The following TDRD12 variants were observed in gnomAD, a reference collection of about 807,000 sequenced individuals.
The protein encoded by TDRD12 is putative ATP-dependent RNA helicase TDRD12.
In TDRD12, 158 loss-of-function variants were observed where a neutral mutation model predicts 133.5. The ratio of observed to expected loss-of-function variants is 1.18; its 90% CI spans 1.04 to 1.35. TDRD12 has a LOEUF of 1.35. Ranked by LOEUF, TDRD12 falls within the 40% of genes most tolerant of loss-of-function variation. The probability of loss-of-function intolerance (pLI) is 0.00; values close to 1 mark genes in which losing one functional copy is unlikely to be tolerated. For synonymous variants in TDRD12, 460 were observed against 477.9 expected, an observed-to-expected ratio of 0.96 and a Z score of 0.49; for missense variants, 1,443 against 1,321.3, an observed-to-expected ratio of 1.09 and a Z score of -1.43.
At chr19:32,815,252 C>T (rs1967137822) in intron 25 of TDRD12, among the ~76,000 whole-genome samples, 196 bp from the exon 26 acceptor site, 1 of 152,198 alleles carries the variant, frequency 6.6e-6, no homozygotes, top group African/African-American at 2.4e-5. Context: ...GGGGTGAGGC[C>T]TGGATGATTT....
chr19:32,822,457 G>A (rs1967433047), downstream of TDRD12, among the ~76,000 whole-genome samples: 1 of 151,924 alleles, frequency 6.6e-6, no homozygotes, highest in Non-Finnish European at 1.5e-5. Context: ...ACAAATAATA[G>A]ATAAACGGGG....
intron 25 of TDRD12, among the ~76,000 whole-genome samples, chr19:32,815,206 C>T (rs968528827): frequency 1.3e-5 from 2 of 151,846 alleles, no homozygotes; most frequent in African/African-American, 4.8e-5. Context: ...TTTGCTCTTG[C>T]CACCCCCCCA....
chr19:32,786,979 T>C (rs1459882853), intron 11 of TDRD12, among the ~76,000 whole-genome samples: 1 of 151,976 alleles, frequency 6.6e-6, no homozygotes, highest in Non-Finnish European at 1.5e-5. Flanking sequence ...TGGCGAGGAG[T>C]TGTGTTCCTT....
rs534326695 is a variant in TDRD12 at position 32,744,591 on chromosome 19, C to T, written c.440+1691C>T. ...GAGGCATATATATATACGTGTGCCCCGCACCCCATCTTTGCTCCCTTTTTC... is the reference window on the plus strand; with the variant it reads ...GAGGCATATATATATACGTGTGCCCTGCACCCCATCTTTGCTCCCTTTTTC... On this transcript the variant is annotated intron_variant, in intron 4 of 27. Transcript: ENST00000444215. 6.5e-4 allele frequency among the ~76,000 whole-genome samples: 99 copies of T among 151,930 alleles called. 1 individual carries two copies. The highest frequency in any genetic ancestry group is 2.9e-3 in the Admixed American group (44 of 15,246).
intron 3 of TDRD12, 79 bp from the exon 4 acceptor site, chr19:32,742,702 A>T: frequency 7.3e-7 from 1 of 1,364,664 alleles, no homozygotes. Context: ...TAAGTGTATT[A>T]ATAAAATAGG....
At chr19:32,758,804 A>C (rs999430449) in intron 8 of TDRD12, among the ~76,000 whole-genome samples, 1 of 150,852 alleles carries the variant, frequency 6.6e-6, no homozygotes, top group Non-Finnish European at 1.5e-5. Context: ...ATGTGGTTGC[A>C]CATGCCTGTA....
rs565082821 is a variant in TDRD12, at chr19:32,766,973, T to C, written c.866-5780T>C. On this transcript the variant is annotated intron_variant, in intron 8 of 27. Coordinates refer to ENST00000444215, the Ensembl canonical transcript of TDRD12. Reference sequence around the variant, plus strand: ...TGCTTTAGGGTTTAGAGTAAACATCTTTACTTCTCATAGTCTACCTTCAAG... The same window carrying C: ...TGCTTTAGGGTTTAGAGTAAACATCCTTACTTCTCATAGTCTACCTTCAAG... Among the ~76,000 whole-genome samples the C allele has an allele frequency of 6.6e-5, 10 of 152,050 alleles. No individual in the cohort carries two copies. The East Asian group carries it at 1.9e-3, about 29-fold the overall frequency.
At chr19:32,826,313 A>G (rs941910705) in exon 8 of TDRD12, 1 of 1,415,594 alleles carries the variant, frequency 7.1e-7, no homozygotes, top group African/African-American at 1.4e-5. Context: ...TAAGGAATGT[A>G]AAGGACTACA....
chr19:32,803,227 T>A, intron 21 of TDRD12, 85 bp downstream of exon 21: 1 of 1,066,296 alleles, frequency 9.4e-7, no homozygotes, highest in Non-Finnish European at 1.3e-6. Flanking sequence ...AATTGTCATG[T>A]ATCTAGAAGC....
At chr19:32,788,400 CCA>C (rs1269460041) in intron 11 of TDRD12, among the ~76,000 whole-genome samples, 1 of 152,170 alleles carries the variant, frequency 6.6e-6, no homozygotes, top group Non-Finnish European at 1.5e-5. Context: ...GTGTGAGCCA[CCA>C]CACCCAGCCT....
intron 18 of TDRD12, among the ~76,000 whole-genome samples, chr19:32,801,105 G>T (rs8107682): frequency 6.3e-4 from 95 of 151,936 alleles, no homozygotes; most frequent in Non-Finnish European, 1.2e-3. Flanking sequence ...GGTGGCTCAT[G>T]CCTGAATCCT....
intron 11 of TDRD12, among the ~76,000 whole-genome samples, chr19:32,787,597 C>T (rs1428917464): frequency 2.0e-5 from 3 of 152,196 alleles, no homozygotes; most frequent in Non-Finnish European, 4.4e-5. Flanking sequence ...AGCTTCCCCG[C>T]TGCTTTGTTT....
chr19:32,733,769 T>G (rs1969133146), intron 2 of TDRD12, among the ~76,000 whole-genome samples: 1 of 152,204 alleles, frequency 6.6e-6, no homozygotes, highest in African/African-American at 2.4e-5. Flanking sequence ...CTCTCATTCC[T>G]TCTGCATTCA....
chr19:32,825,839 C>G (rs1967571407), downstream of TDRD12, among the ~76,000 whole-genome samples: 2 of 152,158 alleles, frequency 1.3e-5, no homozygotes, highest in African/African-American at 4.8e-5. This position sits in a 1 kb window ranked among gnomAD's most constrained non-coding sequence, Gnocchi z 4.1. Flanking sequence ...AAGATCATAC[C>G]ATTGCACTCC....
intron 9 of TDRD12, among the ~76,000 whole-genome samples, chr19:32,773,226 G>A (rs983502379): frequency 2.0e-5 from 3 of 152,166 alleles, no homozygotes; most frequent in African/African-American, 7.2e-5. Context: ...TTTAAGTACT[G>A]ACGATCTGGA....
intron 25 of TDRD12, among the ~76,000 whole-genome samples, chr19:32,814,789 A>G (rs1472055994): frequency 6.6e-6 from 1 of 152,054 alleles, no homozygotes; most frequent in Non-Finnish European, 1.5e-5. Context: ...GAGCAGAGAG[A>G]GGCTCCTCCA....
At chr19:32,748,356 A>G in intron 4 of TDRD12, 120 bp from the exon 5 acceptor site, 1 of 997,900 alleles carries the variant, frequency 1.0e-6, no homozygotes, top group Non-Finnish European at 1.5e-6. Context: ...GTGCCCCATC[A>G]TCTGCATCAC....
downstream of TDRD12, among the ~76,000 whole-genome samples, chr19:32,822,046 G>A (rs925934642): frequency 6.6e-6 from 1 of 152,124 alleles, no homozygotes; most frequent in South Asian, 2.1e-4. Flanking sequence ...AATTGAACCC[G>A]GGAGGCAGAG....
At chr19:32,824,959 C>T (rs1451145344), downstream of TDRD12, among the ~76,000 whole-genome samples, 1 of 152,164 alleles carries the variant, frequency 6.6e-6, no homozygotes, top group Non-Finnish European at 1.5e-5. Context: ...CTCCCAGAAG[C>T]GGTGTCTTGT....
Sources: allele counts gnomAD v4.1 joint callset (sites outside exome capture counted in the v4.1 genomes callset), GRCh38; gene constraint gnomAD v4.1.1; non-coding constraint Gnocchi (gnomAD v3.1); transcripts MANE v1.5; gene names NCBI Gene and HGNC (gene_info 2026-07-23, HGNC 2026-07-21).